Variants in ANKRD39 observed in about 807,000 individuals in gnomAD.
ANKRD39 encodes the protein ankyrin repeat domain 39, also known as ankyrin repeat domain-containing protein 39.
Under a neutral mutation model 20.3 loss-of-function variants are expected in ANKRD39, and 18 were observed. That is an observed-to-expected ratio of 0.89 (90% CI 0.61 to 1.32). The LOEUF (loss-of-function observed/expected upper bound fraction) is 1.32. Among genes scored for constraint, ANKRD39 ranks in the 40% most tolerant of loss-of-function variants. The pLI is 0.00. For missense variants in ANKRD39, 243 were observed against 250.7 expected, an observed-to-expected ratio of 0.97 and a Z score of 0.21; for synonymous variants, 106 against 111.9, an observed-to-expected ratio of 0.95 and a Z score of 0.33.
At chr2:96,857,024 A>G (rs1199508967) in intron 1 of ANKRD39, among the ~76,000 whole-genome samples, 1 of 152,132 alleles carries the variant, frequency 6.6e-6, no homozygotes. Flanking sequence ...ACAGGGAATG[A>G]TGTGATTTCT....
At chr2:96,851,218 G>A (rs996466242) in intron 3 of ANKRD39, among the ~76,000 whole-genome samples, 7 of 151,580 alleles carry the variant, frequency 4.6e-5, no homozygotes, top group South Asian at 4.2e-4. Context: ...GTGCAATGGC[G>A]CGGTCTCGGC....
At chr2:96,850,590 A>G (rs2079831897) in intron 3 of ANKRD39, among the ~76,000 whole-genome samples, 1 of 151,906 alleles carries the variant, frequency 6.6e-6, no homozygotes, top group Non-Finnish European at 1.5e-5. Flanking sequence ...GTCTGAACCC[A>G]GGAGGCAGAG....
rs2153359621 is a variant in ANKRD39 at position 96,849,989 on chromosome 2, C to T, written c.409-1545G>A. Among the ~76,000 whole-genome samples, 2 of 152,308 alleles carry T rather than the reference C, an allele frequency of 1.3e-5. 1 individual carries two copies. The highest frequency in any genetic ancestry group is 4.1e-4 in the South Asian group (2 of 4,826). On this transcript the variant is annotated intron_variant, in intron 3 of 3. Coordinates refer to ENST00000393537, the MANE Select transcript of ANKRD39 (RefSeq NM_016466.6). Reference sequence around the variant, plus strand: ...TCACAGGCAAGAATCATCATTATTCCCATTTTACAGATGAAGAAATGCAGG... The same window carrying T: ...TCACAGGCAAGAATCATCATTATTCTCATTTTACAGATGAAGAAATGCAGG...
intron 3 of ANKRD39, among the ~76,000 whole-genome samples, chr2:96,851,047 C>T (rs991045982): frequency 6.6e-6 from 1 of 152,154 alleles, no homozygotes; most frequent in South Asian, 2.1e-4. Flanking sequence ...AGGCTGGAGC[C>T]CAGTGGTGTG....
At position 96,853,446 on chromosome 2, in the gene ANKRD39, G is replaced by A. The variant is rs1279484800; in HGVS notation, c.363C>T (p.Ser121=). The change falls in exon 3 of 4, where the codon TCC becomes TCT. Residue 121 remains serine (S), a synonymous_variant. Coordinates refer to ENST00000393537, the MANE Select transcript of ANKRD39 (RefSeq NM_016466.6). The part of the protein sequence containing the change: ...EIARLLLSHG[S]NPRVVDDDGM... ...CGTCGTCATCCACCACCCTGGGGTT[G>A]GACCCATGTGATAGCAGGAGCCGCG... The A allele has an allele frequency of 6.3e-7, 1 of 1,594,418 alleles. No homozygotes were observed. The highest frequency in any genetic ancestry group is 8.5e-7 in the Non-Finnish European group (1 of 1,170,680).
At chr2:96,854,699 G>A (rs542848945) in intron 1 of ANKRD39, among the ~76,000 whole-genome samples, 1 of 152,348 alleles carries the variant, frequency 6.6e-6, no homozygotes, top group East Asian at 1.9e-4. Flanking sequence ...AAACACAGAA[G>A]TGCTGGATGA....
In ANKRD39 at chr2:96,854,360, T is replaced by C. The variant is rs772916969; in HGVS notation, c.182A>G (p.Asp61Gly). ...IQKAEDPSQPDSAGYTALHYA... is the reference protein window; with the variant it reads ...IQKAEDPSQPGSAGYTALHYA... ...CACCAGCGCAGTGTAGCCGGCCGAG[T>C]CGGGCTGACTTGGGTCCTCGGCCTT... is the stretch of plus-strand genomic sequence containing the variant. Residue 61 changes from aspartate to glycine, a missense_variant, in exon 2 of 4, where the codon GAC becomes GGC. Coordinates refer to ENST00000393537, the MANE Select transcript of ANKRD39 (RefSeq NM_016466.6). 6.2e-7 allele frequency: 1 copy of C among 1,613,988 alleles called. No individual in the cohort carries two copies. The highest frequency in any genetic ancestry group is 8.5e-7 in the Non-Finnish European group (1 of 1,179,998).
chr2:96,857,966 C>A lies in ANKRD39; in HGVS notation c.22G>T (p.Ala8Ser). 6.4e-7 allele frequency: 1 copy of A among 1,556,928 alleles called. No homozygotes were observed. Among genetic ancestry groups the A allele is most frequent in the Middle Eastern group, 1.7e-4 (1 of 5,986 alleles). The change falls in exon 1 of 4, where the codon GCG becomes TCG. Residue 8 changes from alanine (A) to serine (S), a missense_variant. Coordinates refer to ENST00000393537, the MANE Select transcript of ANKRD39 (RefSeq NM_016466.6). Reference sequence around the variant, plus strand: ...GGATGCGAGCAGCAGGGCCCGTCCGCGCAGGGCCGAGGCGTCGCCATCCCG... The same window carrying A: ...GGATGCGAGCAGCAGGGCCCGTCCGAGCAGGGCCGAGGCGTCGCCATCCCG... MATPRPC[A>S]DGPCCSHPSA...
chr2:96,853,684 C>A, intron 2 of ANKRD39, 80 bp from the exon 3 acceptor site: 2 of 1,401,972 alleles, frequency 1.4e-6, no homozygotes, highest in South Asian at 1.2e-5. Flanking sequence ...AGCATGGCCT[C>A]CCTGCAGCGA....
chr2:96,853,666 G>A (rs1017709555), intron 2 of ANKRD39, 62 bp from the exon 3 acceptor site: 9 of 1,532,856 alleles, frequency 5.9e-6, no homozygotes, highest in Non-Finnish European at 5.3e-6. Context: ...GGGTGGTATA[G>A]AGGTGAGAGC....
chr2:96,856,411 G>A (rs563157556), intron 1 of ANKRD39, among the ~76,000 whole-genome samples: 1 of 150,228 alleles, frequency 6.7e-6, no homozygotes, highest in South Asian at 2.1e-4. Context: ...GGAGGCTGCA[G>A]TGAGCCGAGA....
Position 96,848,432 on chromosome 2 carries a change from CCCTCTCAGCAG to C in ANKRD39, c.410_420del (p.Ala137GlyfsTer29), listed in dbSNP as rs2079820934. ...AGGAGGGAGCAGATGTCCCCGTGAC[CCCTCTCAGCAG>C]CCTGTGGAGAGAAAGGCTGGAATCA... On this transcript the variant is annotated frameshift_variant and splice_region_variant, in exon 4 of 4. Coordinates refer to ENST00000393537, the MANE Select transcript of ANKRD39 (RefSeq NM_016466.6). LOFTEE classifies it high-confidence loss of function. 6.2e-7 allele frequency: 1 copy of C among 1,613,988 alleles called. No homozygotes were observed. The highest frequency in any genetic ancestry group is 1.3e-5 in the African/African-American group (1 of 74,906).
intron 3 of ANKRD39, among the ~76,000 whole-genome samples, chr2:96,850,580 G>A (rs1019281631): frequency 6.6e-6 from 1 of 151,868 alleles, no homozygotes; most frequent in South Asian, 2.1e-4. Context: ...CAGGAGAATC[G>A]TCTGAACCCA....
chr2:96,853,550 C>A lies in ANKRD39; in HGVS notation c.259G>T (p.Gly87Ter). The A allele has an allele frequency of 6.2e-7, 1 of 1,612,968 alleles. No homozygotes were observed. The highest frequency in any genetic ancestry group is 1.7e-5 in the Admixed American group (1 of 60,026). ...YAVCQFLLES[G>*]AKCDAQTHGG... ...TGGGTCTGGGCATCACACTTAGCTC[C>A]GCTTTCCAGCAGGAACTGGCACACA... The change falls in exon 3 of 4, where the codon GGA (glycine) becomes TGA (stop). Residue 87 changes from glycine (G) to a stop codon, truncating the protein, a stop_gained. Coordinates refer to ENST00000393537, the MANE Select transcript of ANKRD39 (RefSeq NM_016466.6). LOFTEE classifies it high-confidence loss of function.
intron 3 of ANKRD39, among the ~76,000 whole-genome samples, chr2:96,849,881 T>C (rs963395169): frequency 6.6e-6 from 1 of 152,184 alleles, no homozygotes; most frequent in South Asian, 2.1e-4. Context: ...AATCCAGATG[T>C]CAATTTCTAA....
At chr2:96,852,052 T>C (rs902076401) in intron 3 of ANKRD39, among the ~76,000 whole-genome samples, 4 of 151,836 alleles carry the variant, frequency 2.6e-5, no homozygotes, top group Non-Finnish European at 4.4e-5. Flanking sequence ...TGAAGCTGTT[T>C]TTAGAAAAAT....
chr2:96,854,380 G>C lies in ANKRD39; in HGVS notation c.162C>G (p.Ala54=). 3 of 1,614,056 alleles carry C rather than the reference G, an allele frequency of 1.9e-6. No individual in the cohort carries two copies. The highest frequency in any genetic ancestry group is 2.5e-6 in the Non-Finnish European group (3 of 1,179,996). ...LGRVKHLIQK[A]EDPSQPDSAG... is the part of the protein sequence containing the mutation. ...CCGAGTCGGGCTGACTTGGGTCCTCGGCCTTCTGGATTAAATGCTTCACTC... is the reference window on the plus strand; with the variant it reads ...CCGAGTCGGGCTGACTTGGGTCCTCCGCCTTCTGGATTAAATGCTTCACTC... The change falls in exon 2 of 4, where the codon GCC becomes GCG. Residue 54 remains alanine (A), a synonymous_variant. Coordinates refer to ENST00000393537, the MANE Select transcript of ANKRD39 (RefSeq NM_016466.6).
At chr2:96,857,828 C>CA (rs2079873275) in intron 1 of ANKRD39, 60 bp downstream of exon 1, 1 of 1,505,862 alleles carries the variant, frequency 6.6e-7, no homozygotes, top group Non-Finnish European at 8.9e-7. Context: ...TCCTTGGCCC[C>CA]ACGCCTCCTC....
At chr2:96,853,633 G>T in intron 2 of ANKRD39, 29 bp from the exon 3 acceptor site, 2 of 1,605,500 alleles carry the variant, frequency 1.2e-6, no homozygotes, top group Non-Finnish European at 1.7e-6. Context: ...GAGGTCAGAT[G>T]GGAGAAGCCA....
Sources: gnomAD v4.1 joint callset for allele counts (sites outside exome capture counted in the v4.1 genomes callset) on GRCh38, gnomAD v4.1.1 for gene constraint, MANE v1.5 for transcripts, NCBI Gene and HGNC (gene_info 2026-07-23, HGNC 2026-07-21) for gene names.